The following KCTD16 variants were observed in gnomAD, a reference collection of about 807,000 sequenced individuals.
The protein encoded by KCTD16 is BTB/POZ domain-containing protein KCTD16.
Under a neutral mutation model 33.2 loss-of-function variants are expected in KCTD16, and 13 were observed. The ratio of observed to expected loss-of-function variants is 0.39; its 90% CI spans 0.25 to 0.62. The LOEUF is 0.62. Ranked by LOEUF, KCTD16 falls within the 20% of genes least tolerant of loss-of-function variation. The pLI is 0.50. For synonymous variants in KCTD16, 197 were observed against 195.3 expected, an observed-to-expected ratio of 1.01 and a Z score of -0.07; for missense variants, 441 against 525.1, an observed-to-expected ratio of 0.84 and a Z score of 1.57.
intron 3 of KCTD16, among the ~76,000 whole-genome samples, chr5:144,349,495 T>C (rs29906): frequency 6.6e-6 from 1 of 152,094 alleles, no homozygotes; most frequent in East Asian, 1.9e-4. Context: ...CAATCATTTC[T>C]TTTTTTCTGA....
chr5:144,188,219 C>CCA (rs1752767803), intron 2 of KCTD16, among the ~76,000 whole-genome samples: 1 of 152,148 alleles, frequency 6.6e-6, no homozygotes, highest in Admixed American at 6.5e-5. Context: ...TGTGATCCTT[C>CCA]TATGTGTATT....
chr5:144,180,607 G>C (rs1752602829), intron 2 of KCTD16, among the ~76,000 whole-genome samples: 1 of 152,184 alleles, frequency 6.6e-6, no homozygotes, highest in Non-Finnish European at 1.5e-5. Flanking sequence ...AACTTCAGCT[G>C]GGGAGCTCAA....
At chr5:144,183,692 A>G (rs972030966) in intron 2 of KCTD16, among the ~76,000 whole-genome samples, 9 of 152,126 alleles carry the variant, frequency 5.9e-5, no homozygotes, top group East Asian at 1.9e-4. Context: ...CTCCTACCCT[A>G]CTAGAAATAA....
intron 3 of KCTD16, among the ~76,000 whole-genome samples, chr5:144,293,235 T>A (rs1755944596): frequency 6.6e-6 from 1 of 152,224 alleles, no homozygotes; most frequent in Non-Finnish European, 1.5e-5. Context: ...TGTCTACTTT[T>A]ACAGTCTATC....
intron 3 of KCTD16, among the ~76,000 whole-genome samples, chr5:144,289,771 A>G (rs1755844237): frequency 6.6e-6 from 1 of 152,122 alleles, no homozygotes; most frequent in Non-Finnish European, 1.5e-5. Context: ...CCAATTGGCT[A>G]CTAGATTATG....
chr5:144,208,341 T>C (rs1274266752), intron 3 of KCTD16, among the ~76,000 whole-genome samples: 4 of 152,158 alleles, frequency 2.6e-5, no homozygotes, highest in African/African-American at 7.2e-5. Flanking sequence ...AAGTAAGGGG[T>C]TCTTAGAGGT....
intron 3 of KCTD16, among the ~76,000 whole-genome samples, chr5:144,325,189 T>C (rs1752174089): frequency 6.6e-6 from 1 of 152,198 alleles, no homozygotes. Flanking sequence ...ATGATGGCTA[T>C]TATAATAGAC....
chr5:144,200,643 G>C (rs1753026652), intron 2 of KCTD16, among the ~76,000 whole-genome samples: 1 of 152,200 alleles, frequency 6.6e-6, no homozygotes, highest in Non-Finnish European at 1.5e-5. Flanking sequence ...GAGGTTAAAT[G>C]GTTTGTCAAA....
At chr5:144,296,441 C>T (rs941371674) in intron 3 of KCTD16, among the ~76,000 whole-genome samples, 3 of 152,178 alleles carry the variant, frequency 2.0e-5, no homozygotes, top group Non-Finnish European at 2.9e-5. Context: ...AAGACTTTCT[C>T]CCATGTTCAA....
At chr5:144,182,753 A>C (rs905518602) in intron 2 of KCTD16, among the ~76,000 whole-genome samples, 5 of 151,968 alleles carry the variant, frequency 3.3e-5, no homozygotes, top group Admixed American at 1.3e-4. Flanking sequence ...TCTGAGAGAG[A>C]GAGAGAGAAA....
At chr5:144,260,091 A>G (rs1006629553) in intron 3 of KCTD16, among the ~76,000 whole-genome samples, 13 of 152,240 alleles carry the variant, frequency 8.5e-5, no homozygotes, top group Non-Finnish European at 1.8e-4. Flanking sequence ...AAACTTTGGC[A>G]TAAAAAAGGG....
At chr5:144,279,672 A>G (rs1326774966) in intron 3 of KCTD16, among the ~76,000 whole-genome samples, 1 of 152,184 alleles carries the variant, frequency 6.6e-6, no homozygotes, top group Non-Finnish European at 1.5e-5. Flanking sequence ...GAAGGAGCCA[A>G]ACTCACTTTT....
intron 3 of KCTD16, among the ~76,000 whole-genome samples, chr5:144,344,286 G>C (rs549016635): frequency 1.3e-5 from 2 of 151,352 alleles, no homozygotes; most frequent in South Asian, 4.2e-4. Flanking sequence ...TACCATTCAG[G>C]ACATAGGCAT....
chr5:144,210,103 C>T (rs1316118677), intron 3 of KCTD16, among the ~76,000 whole-genome samples: 1 of 151,746 alleles, frequency 6.6e-6, no homozygotes, highest in Non-Finnish European at 1.5e-5. Flanking sequence ...TCCCTGTTTG[C>T]CTATTTTTTC....
At chr5:144,222,189 A>G (rs1359196650) in intron 3 of KCTD16, among the ~76,000 whole-genome samples, 1 of 152,206 alleles carries the variant, frequency 6.6e-6, no homozygotes, top group African/African-American at 2.4e-5. Context: ...ATAGATTGCA[A>G]AAATGTTCTC....
chr5:144,464,139 T>G (rs2126994610), intron 3 of KCTD16, among the ~76,000 whole-genome samples: 1 of 152,338 alleles, frequency 6.6e-6, no homozygotes, highest in Non-Finnish European at 1.5e-5. Context: ...TGGAAGTTAT[T>G]GTGAATATAA....
chr5:144,267,155 A>C (rs1187317425), intron 3 of KCTD16, among the ~76,000 whole-genome samples: 1 of 152,222 alleles, frequency 6.6e-6, no homozygotes, highest in Admixed American at 6.5e-5. Context: ...GCCAAAGATG[A>C]TGGTTCCTTA....
At chr5:144,345,425 G>A (rs890699985) in intron 3 of KCTD16, among the ~76,000 whole-genome samples, 2 of 152,132 alleles carry the variant, frequency 1.3e-5, no homozygotes, top group Non-Finnish European at 2.9e-5. Context: ...TTTATAGGCT[G>A]CCTACATATT....
intron 3 of KCTD16, among the ~76,000 whole-genome samples, chr5:144,290,163 C>T (rs906922312): frequency 1.3e-5 from 2 of 151,880 alleles, no homozygotes; most frequent in Admixed American, 6.6e-5. Context: ...GGCAAGGAGG[C>T]GCATGTCTGT....
Sources: gnomAD v4.1 joint callset for allele counts (sites outside exome capture counted in the v4.1 genomes callset) on GRCh38, gnomAD v4.1.1 for gene constraint, MANE v1.5 for transcripts, NCBI Gene and HGNC (gene_info 2026-07-23, HGNC 2026-07-21) for gene names.